Variants in SYT2 observed in about 807,000 individuals in gnomAD.
SYT2 encodes the protein synaptotagmin 2, also known as synaptotagmin-2.
A neutral mutation model predicts 39.9 loss-of-function variants in SYT2; 15 were observed. The observed-to-expected ratio is 0.38, with a 90% CI of 0.25 to 0.58. The LOEUF (loss-of-function observed/expected upper bound fraction) is 0.58. Among genes scored for constraint, SYT2 ranks in the 20% least tolerant of loss-of-function variants. The pLI is 0.70. For missense variants in SYT2, 389 were observed against 530.3 expected, an observed-to-expected ratio of 0.73 and a Z score of 2.62; for synonymous variants, 181 against 204.5, an observed-to-expected ratio of 0.89 and a Z score of 0.98.
chr1:202,604,279 CT>C (rs1233621833), intron 3 of SYT2, 175 bp downstream of exon 3: 1 of 659,118 alleles, frequency 1.5e-6, no homozygotes, highest in Non-Finnish European at 2.7e-6. Context: ...AGGCCCCCCC[CT>C]CCCAGGGGCC....
At chr1:202,680,585 A>C (rs1653499656) in intron 1 of SYT2, among the ~76,000 whole-genome samples, 1 of 152,176 alleles carries the variant, frequency 6.6e-6, no homozygotes, top group African/African-American at 2.4e-5. Flanking sequence ...ATGGGGCAAG[A>C]AGATGGGAAG....
chr1:202,684,095 GA>G (rs1653597149), intron 1 of SYT2, among the ~76,000 whole-genome samples: 1 of 152,070 alleles, frequency 6.6e-6, no homozygotes, highest in South Asian at 2.1e-4. Context: ...TGTACAATGT[GA>G]CATTTTAATA....
At chr1:202,673,770 AT>A (rs1653237417) in intron 1 of SYT2, among the ~76,000 whole-genome samples, 1 of 152,184 alleles carries the variant, frequency 6.6e-6, no homozygotes, top group Non-Finnish European at 1.5e-5. Context: ...TCAGCCTTTA[AT>A]GCATTTTCTA....
chr1:202,630,463 C>T, intron 1 of SYT2: 14 of 930,262 alleles, frequency 1.5e-5, no homozygotes, highest in Non-Finnish European at 1.8e-5. Context: ...GGAAAGGCTT[C>T]CTGGAAGAGC....
At chr1:202,649,296 AT>A (rs1398799568) in intron 1 of SYT2, among the ~76,000 whole-genome samples, 1 of 152,212 alleles carries the variant, frequency 6.6e-6, no homozygotes, top group Non-Finnish European at 1.5e-5. Context: ...GATGAAGCAG[AT>A]CTGGGGGAGG....
At chr1:202,607,166 A>G (rs528305124) in intron 1 of SYT2, among the ~76,000 whole-genome samples, 20 of 152,262 alleles carry the variant, frequency 1.3e-4, no homozygotes, top group South Asian at 6.2e-4. Flanking sequence ...CCTCAGGGCT[A>G]TGCACTTATT....
chr1:202,676,790 A>G (rs1653384261), intron 1 of SYT2, among the ~76,000 whole-genome samples: 1 of 152,248 alleles, frequency 6.6e-6, no homozygotes, highest in East Asian at 1.9e-4. Context: ...AAGTTAAAGA[A>G]TATAGACTAT....
At chr1:202,611,730 C>A (rs762645863) in intron 1 of SYT2, among the ~76,000 whole-genome samples, 35 of 152,198 alleles carry the variant, frequency 2.3e-4, no homozygotes, top group Non-Finnish European at 4.6e-4. Flanking sequence ...TTAGCTGTTT[C>A]TTTTGCTGCC....
intron 1 of SYT2, among the ~76,000 whole-genome samples, chr1:202,687,148 A>G (rs1653688903): frequency 6.6e-6 from 1 of 152,054 alleles, no homozygotes; most frequent in Admixed American, 6.5e-5. Context: ...TGTGTACTCC[A>G]CCAAATGTTT....
intron 1 of SYT2, among the ~76,000 whole-genome samples, chr1:202,641,230 T>C (rs1167434332): frequency 6.6e-6 from 1 of 152,180 alleles, no homozygotes; most frequent in African/African-American, 2.4e-5. Flanking sequence ...TATACAGTAT[T>C]TGTCTCAATT....
chr1:202,638,388 T>C (rs1311888052), intron 1 of SYT2, among the ~76,000 whole-genome samples: 5 of 152,252 alleles, frequency 3.3e-5, no homozygotes, highest in African/African-American at 4.8e-5. Flanking sequence ...TTTTTCCACA[T>C]CTTTCCCTAG....
At chr1:202,664,450 A>C (rs1184088215) in intron 1 of SYT2, among the ~76,000 whole-genome samples, 1 of 152,174 alleles carries the variant, frequency 6.6e-6, no homozygotes, top group African/African-American at 2.4e-5. Context: ...AATTTTGTTA[A>C]GTGTATATGC....
At chr1:202,631,728 C>T (rs2149091174) in intron 1 of SYT2, among the ~76,000 whole-genome samples, 1 of 152,292 alleles carries the variant, frequency 6.6e-6, no homozygotes, top group East Asian at 1.9e-4. Context: ...GCACAGTCAG[C>T]ACCACCCATT....
intron 1 of SYT2, among the ~76,000 whole-genome samples, chr1:202,625,070 T>G: frequency 6.6e-6 from 1 of 152,122 alleles, no homozygotes; most frequent in Non-Finnish European, 1.5e-5. Context: ...TGGTGTGTAG[T>G]AGGGTGTGTG....
chr1:202,696,896 C>T (rs544454991), intron 1 of SYT2, among the ~76,000 whole-genome samples: 24 of 152,360 alleles, frequency 1.6e-4, no homozygotes, highest in African/African-American at 5.8e-4. Context: ...TTTAATGAGT[C>T]TATCTGCCTT....
At chr1:202,704,824 A>G (rs1035488196) in intron 1 of SYT2, among the ~76,000 whole-genome samples, 1 of 152,180 alleles carries the variant, frequency 6.6e-6, no homozygotes, top group African/African-American at 2.4e-5. Context: ...GTGTCCCATC[A>G]TGCACTCAAG....
At chr1:202,670,562 T>C (rs983842344) in intron 1 of SYT2, among the ~76,000 whole-genome samples, 7 of 152,176 alleles carry the variant, frequency 4.6e-5, no homozygotes, top group Non-Finnish European at 8.8e-5. Context: ...ACAACTCCAC[T>C]GGGCACTAAA....
chr1:202,606,502 A>G (rs148464569), intron 1 of SYT2, among the ~76,000 whole-genome samples: 9 of 152,150 alleles, frequency 5.9e-5, no homozygotes, highest in African/African-American at 2.2e-4. Context: ...CCCTGACTCC[A>G]ATTCCTCCTC....
intron 1 of SYT2, among the ~76,000 whole-genome samples, chr1:202,697,744 A>G (rs530689894): frequency 6.6e-6 from 1 of 152,370 alleles, no homozygotes; most frequent in African/African-American, 2.4e-5. Flanking sequence ...TTTGATTGTA[A>G]TAATCACCAT....
Sources: gnomAD v4.1 joint callset for allele counts (sites outside exome capture counted in the v4.1 genomes callset) on GRCh38, gnomAD v4.1.1 for gene constraint, MANE v1.5 for transcripts, NCBI Gene and HGNC (gene_info 2026-07-23, HGNC 2026-07-21) for gene names.